ZSWIM5: variants seen among roughly 807,000 people sequenced by gnomAD.
ZSWIM5 encodes the protein zinc finger SWIM-type containing 5.
In ZSWIM5, 55 loss-of-function variants were observed where a neutral mutation model predicts 119.6. The observed-to-expected ratio is 0.46, with a 90% CI of 0.37 to 0.58. ZSWIM5 has a LOEUF of 0.58. Ranked by LOEUF, ZSWIM5 falls within the 20% of genes least tolerant of loss-of-function variation. The pLI, the probability that ZSWIM5 is intolerant of heterozygous loss-of-function variation, is 0.00. For missense variants in ZSWIM5, 1,193 were observed against 1,512.8 expected, an observed-to-expected ratio of 0.79 and a Z score of 3.51; for synonymous variants, 537 against 606.9, an observed-to-expected ratio of 0.88 and a Z score of 1.69.
intron 5 of ZSWIM5, among the ~76,000 whole-genome samples, chr1:45,046,639 T>TGG (rs1410832483): frequency 2.0e-5 from 3 of 150,336 alleles, no homozygotes; most frequent in Non-Finnish European, 4.4e-5. Context: ...AAGATATGTG[T>TGG]GTGTGTGTGT....
chr1:45,050,042 A>G (rs556237264), intron 5 of ZSWIM5, among the ~76,000 whole-genome samples: 1 of 152,256 alleles, frequency 6.6e-6, no homozygotes, highest in South Asian at 2.1e-4. Flanking sequence ...GACTGAAAAT[A>G]CCAATAGAGT....
In ZSWIM5 at chr1:45,106,484, GC is replaced by G. The variant is rs1326725246; in HGVS notation, c.596-18248del. 6.8e-5 allele frequency among the ~76,000 whole-genome samples: 9 copies of G among 132,694 alleles called. No individual in the cohort carries two copies. In the East Asian group the frequency reaches 2.1e-3, roughly 31 times the overall value. 87.1% of individuals were successfully genotyped at this position (132,694 alleles called of 152,430 possible). ...TGTCTGGGAAGTGGGGGGCGCCTCT[GC>G]CCGGCCGCTCTTACTCTGGGAGGTG... On this transcript the variant is annotated intron_variant, in intron 1 of 13. Coordinates refer to ENST00000359600, the MANE Select transcript of ZSWIM5 (RefSeq NM_020883.2).
chr1:45,125,766 A>AC (rs1165011510), intron 1 of ZSWIM5, among the ~76,000 whole-genome samples: 2 of 95,108 alleles, frequency 2.1e-5, no homozygotes, highest in African/African-American at 9.2e-5. Flanking sequence ...TCCGTTTCAC[A>AC]AAAAAAAAAA....
At chr1:45,125,445 T>G (rs1645614919) in intron 1 of ZSWIM5, among the ~76,000 whole-genome samples, 1 of 151,538 alleles carries the variant, frequency 6.6e-6, no homozygotes, top group African/African-American at 2.4e-5. Context: ...GGTAGAGCAA[T>G]GCTGAGAGGG....
intron 11 of ZSWIM5, among the ~76,000 whole-genome samples, chr1:45,026,633 C>G (rs145668474): frequency 4.4e-4 from 67 of 152,152 alleles, no homozygotes; most frequent in Admixed American, 2.2e-3. Flanking sequence ...AAAATTTGTT[C>G]AAGATTTTTG....
intron 2 of ZSWIM5, among the ~76,000 whole-genome samples, chr1:45,080,923 C>T (rs538358468): frequency 2.0e-4 from 31 of 152,266 alleles, no homozygotes; most frequent in African/African-American, 7.2e-4. Context: ...GCTACAAACA[C>T]ATATAGGGAC....
At chr1:45,028,023 G>A (rs1047636022) in intron 11 of ZSWIM5, among the ~76,000 whole-genome samples, 2 of 152,072 alleles carry the variant, frequency 1.3e-5, no homozygotes, top group African/African-American at 4.8e-5. Context: ...GCTAATTTTT[G>A]TATTTTTAGT....
At chr1:45,197,901 C>T (rs1383628211) in intron 1 of ZSWIM5, among the ~76,000 whole-genome samples, 1 of 152,142 alleles carries the variant, frequency 6.6e-6, no homozygotes, top group Non-Finnish European at 1.5e-5. Flanking sequence ...ATGGTGAAAC[C>T]ACTGATGCTT....
chr1:45,138,863 T>C (rs1039148388), intron 1 of ZSWIM5, among the ~76,000 whole-genome samples: 1 of 151,862 alleles, frequency 6.6e-6, no homozygotes, highest in East Asian at 1.9e-4. Context: ...AATTCATCAA[T>C]AGTAGAAATT....
At chr1:45,173,957 T>C (rs1033943346) in intron 1 of ZSWIM5, among the ~76,000 whole-genome samples, 2 of 152,092 alleles carry the variant, frequency 1.3e-5, no homozygotes, top group Non-Finnish European at 2.9e-5. Flanking sequence ...CGTATGTTTG[T>C]ACTGATTATA....
intron 2 of ZSWIM5, among the ~76,000 whole-genome samples, chr1:45,082,093 G>A (rs1029401892): frequency 6.6e-6 from 1 of 152,118 alleles, no homozygotes; most frequent in Non-Finnish European, 1.5e-5. Context: ...TAAGGGCGAT[G>A]CAAGATGTGC....
chr1:45,074,632 A>G (rs1645245229), intron 2 of ZSWIM5, among the ~76,000 whole-genome samples: 1 of 151,722 alleles, frequency 6.6e-6, no homozygotes, highest in South Asian at 2.1e-4. Flanking sequence ...TAGTATGGCT[A>G]AAGGTTTGTC....
chr1:45,183,934 G>A (rs570987244), intron 1 of ZSWIM5, among the ~76,000 whole-genome samples: 2 of 152,300 alleles, frequency 1.3e-5, no homozygotes, highest in East Asian at 3.9e-4. Flanking sequence ...AAGCCGGGCA[G>A]AGACACAACC....
In ZSWIM5 at chr1:45,057,706, T is replaced by C. The variant is rs1447962283; in HGVS notation, c.1252+903A>G. Among the ~76,000 whole-genome samples the C allele has an allele frequency of 1.3e-5, 2 of 152,136 alleles. No individual in the cohort carries two copies. The highest frequency in any genetic ancestry group is 1.3e-4 in the Admixed American group (2 of 15,268). On this transcript the variant is annotated intron_variant, in intron 4 of 13. Transcript: ENST00000359600. The surrounding 1 kb of genome is among the most constrained non-coding windows in gnomAD (Gnocchi z 4.7). ...GACCCTGAGTTCAGGGTATGGAAGA[T>C]TCTGAAAGCAGGGCAAGAAGTATTA...
At position 45,017,183 on chromosome 1, in the gene ZSWIM5, AAG is replaced by A. The variant is rs1050581881; in HGVS notation, c.*1269_*1270del. Reference sequence around the variant, plus strand: ...CGAGAGAGATTTAAGAGGAATGGGAAAGAGAAATCTGGCAAAAAGGACACATT... The same window carrying A: ...CGAGAGAGATTTAAGAGGAATGGGAAAGAAATCTGGCAAAAAGGACACATT... On this transcript the variant is annotated 3_prime_UTR_variant, in exon 14 of 14. Transcript: ENST00000359600. 6.6e-6 allele frequency: 1 copy of A among 152,242 alleles called. No individual in the cohort carries two copies. The highest frequency in any genetic ancestry group is 2.4e-5 in the African/African-American group (1 of 41,458). The allele number at this position is 152,242 out of a possible 1,614,324, so 9.4% of individuals were successfully genotyped here.
At chr1:45,137,770 T>C (rs1395231120) in intron 1 of ZSWIM5, among the ~76,000 whole-genome samples, 1 of 152,124 alleles carries the variant, frequency 6.6e-6, no homozygotes, top group Non-Finnish European at 1.5e-5. Flanking sequence ...CAGGGAAGGG[T>C]GACAGATTAG....
intron 11 of ZSWIM5, among the ~76,000 whole-genome samples, chr1:45,024,767 G>C (rs1644910768): frequency 6.6e-6 from 1 of 152,108 alleles, no homozygotes; most frequent in African/African-American, 2.4e-5. Context: ...ATATTCTCCT[G>C]TCTCAGCCTC....
At chr1:45,154,625 T>A (rs1216169980) in intron 1 of ZSWIM5, among the ~76,000 whole-genome samples, 1 of 152,156 alleles carries the variant, frequency 6.6e-6, no homozygotes, top group Non-Finnish European at 1.5e-5. Context: ...CTCACGCCTG[T>A]AATCCCAACA....
chr1:45,198,348 A>T (rs1396307793), intron 1 of ZSWIM5, among the ~76,000 whole-genome samples: 1 of 152,256 alleles, frequency 6.6e-6, no homozygotes, highest in African/African-American at 2.4e-5. Context: ...CAATCAAAGC[A>T]ATGGCTACCA....
Sources: gnomAD v4.1 joint callset for allele counts (sites outside exome capture counted in the v4.1 genomes callset) on GRCh38, gnomAD v4.1.1 for gene constraint, Gnocchi (gnomAD v3.1) non-coding constraint, MANE v1.5 for transcripts, NCBI Gene and HGNC (gene_info 2026-07-23, HGNC 2026-07-21) for gene names.